The following DCC variants were observed in gnomAD, a reference collection of about 807,000 sequenced individuals.
DCC encodes DCC netrin 1 receptor.
Under a neutral mutation model 172.5 loss-of-function variants are expected in DCC, and 58 were observed. That is an observed-to-expected ratio of 0.34 (90% CI 0.27 to 0.42). The LOEUF is 0.42. DCC is among the 10% of genes least tolerant of loss of function. The pLI, the probability that DCC is intolerant of heterozygous loss-of-function variation, is 1.00. For missense variants in DCC, 1,740 were observed against 1,791.0 expected (o/e 0.97, Z 0.51); for synonymous variants, 709 against 644.5 (o/e 1.10, Z -1.52).
At chr18:52,695,855 T>C (rs2036003731) in intron 1 of DCC, among the ~76,000 whole-genome samples, 1 of 152,148 alleles carries the variant, frequency 6.6e-6, no homozygotes, top group South Asian at 2.1e-4. Context: ...GCCCTCCTTT[T>C]TGTGGCCATG....
intron 1 of DCC, among the ~76,000 whole-genome samples, chr18:52,649,430 CTT>C (rs142775696): frequency 7.4e-5 from 11 of 148,666 alleles, no homozygotes; most frequent in African/African-American, 1.7e-4. Context: ...GAGATTATAT[CTT>C]TTTTTTTATA....
At chr18:53,501,168 A>G (rs1598813253) in intron 27 of DCC, among the ~76,000 whole-genome samples, 1 of 152,200 alleles carries the variant, frequency 6.6e-6, no homozygotes, top group Non-Finnish European at 1.5e-5. Context: ...CGAGCCTTTA[A>G]TGAATCTTTA....
chr18:52,467,506 A>C lies in DCC; in HGVS notation c.91+126628A>C, dbSNP rs112192235. ...TATTTTGAACAGTGCTGCAATAAAC[A>C]TATCTGTGCATGTGTTCTTATAGTA... is the stretch of plus-strand genomic sequence containing the variant. On this transcript the variant is annotated intron_variant, in intron 1 of 28. Coordinates refer to ENST00000442544, the MANE Select transcript of DCC (RefSeq NM_005215.4). Among the ~76,000 whole-genome samples the C allele has an allele frequency of 6.2e-3, 941 of 152,306 alleles. 13 individuals carry two copies. The highest frequency in any genetic ancestry group is 0.022 in the African/African-American group (908 of 41,574).
At chr18:52,625,821 G>A (rs753041026) in intron 1 of DCC, among the ~76,000 whole-genome samples, 5 of 152,144 alleles carry the variant, frequency 3.3e-5, no homozygotes, top group Non-Finnish European at 7.4e-5. Context: ...GCCAATGTCA[G>A]TTCTCAGGTC....
intron 1 of DCC, among the ~76,000 whole-genome samples, chr18:52,642,945 A>G (rs961576): frequency 0.95 from 144,442 of 152,284 alleles, 69,011 homozygotes; most frequent in East Asian, 1. Context: ...GAGACGTTGC[A>G]CCTAGCCCTA....
chr18:53,284,387 T>C (rs1055333862), intron 12 of DCC, among the ~76,000 whole-genome samples: 62 of 152,206 alleles, frequency 4.1e-4, no homozygotes, highest in African/African-American at 1.4e-3. Flanking sequence ...GGGGTGGTCT[T>C]TCCCGTGCTG....
chr18:52,979,448 A>T (rs951508512), intron 5 of DCC, among the ~76,000 whole-genome samples: 2 of 152,204 alleles, frequency 1.3e-5, no homozygotes, highest in Non-Finnish European at 2.9e-5. Context: ...TTCCAGTCAT[A>T]TACATGACAC....
intron 5 of DCC, among the ~76,000 whole-genome samples, chr18:52,952,424 G>A (rs761517526): frequency 6.6e-6 from 1 of 152,162 alleles, no homozygotes; most frequent in Non-Finnish European, 1.5e-5. Context: ...AAGAAAAAAT[G>A]TGTGGAGGGA....
intron 1 of DCC, among the ~76,000 whole-genome samples, chr18:52,500,569 C>T (rs1425395071): frequency 6.6e-6 from 1 of 152,116 alleles, no homozygotes; most frequent in African/African-American, 2.4e-5. Context: ...TCTTTATGCC[C>T]TCTAGATTGG....
At chr18:53,234,953 G>A (rs1046308291) in intron 12 of DCC, among the ~76,000 whole-genome samples, 1 of 152,082 alleles carries the variant, frequency 6.6e-6, no homozygotes, top group Admixed American at 6.5e-5. Context: ...ACAAATATGT[G>A]TCACAAACGG....
chr18:53,066,748 G>A (rs117427430), intron 7 of DCC, among the ~76,000 whole-genome samples: 1 of 152,048 alleles, frequency 6.6e-6, no homozygotes, highest in Non-Finnish European at 1.5e-5. Context: ...CACTGCTATA[G>A]AGAAATATCT....
intron 1 of DCC, among the ~76,000 whole-genome samples, chr18:52,555,710 T>C (rs940506478): frequency 6.6e-6 from 1 of 152,118 alleles, no homozygotes; most frequent in Non-Finnish European, 1.5e-5. Flanking sequence ...AAGAAGACTG[T>C]TTTTTAAAAA....
At chr18:53,512,156 GACCCCCCAGCAGCCTAACTGGGAGGC>G (rs1011618830) in intron 27 of DCC, among the ~76,000 whole-genome samples, 9 of 151,016 alleles carry the variant, frequency 6.0e-5, no homozygotes, top group Non-Finnish European at 1.0e-4. Context: ...CCCTGACCCC[GACCCCCCAGCAGCCTAACTGGGAGGC>G]ACCCCCCAGC....
rs118017989 is a variant in DCC at position 53,365,708 on chromosome 18, A to C, written c.2360-20335A>C. On this transcript the variant is annotated intron_variant, in intron 15 of 28. Coordinates refer to ENST00000442544, the MANE Select transcript of DCC (RefSeq NM_005215.4). ...ATAAGCAAAAATGCAGCACACTAGA[A>C]ATGAGCCTTCTTATTAGAATTATTA... Among the ~76,000 whole-genome samples the C allele has an allele frequency of 1.3e-4, 20 of 152,274 alleles. No individual in the cohort carries two copies. The East Asian group carries it at 3.9e-3, about 29-fold the overall frequency.
chr18:52,938,365 T>A (rs1180712352), intron 5 of DCC, among the ~76,000 whole-genome samples: 1 of 152,148 alleles, frequency 6.6e-6, no homozygotes, highest in South Asian at 2.1e-4. Context: ...TGAGAGAAGA[T>A]GAGTGATGTC....
At chr18:53,368,358 A>G (rs1320198287) in intron 15 of DCC, among the ~76,000 whole-genome samples, 1 of 152,116 alleles carries the variant, frequency 6.6e-6, no homozygotes, top group Non-Finnish European at 1.5e-5. Flanking sequence ...TATATAACTT[A>G]CAAACCCTTT....
intron 1 of DCC, among the ~76,000 whole-genome samples, chr18:52,557,545 A>T (rs1174249045): frequency 6.6e-6 from 1 of 152,260 alleles, no homozygotes; most frequent in Non-Finnish European, 1.5e-5. Context: ...CTATTGATAT[A>T]CTACTTTCAA....
chr18:53,405,287 T>A (rs1036606180), intron 19 of DCC, among the ~76,000 whole-genome samples: 5 of 152,124 alleles, frequency 3.3e-5, no homozygotes, highest in African/African-American at 1.2e-4. Context: ...TATTGTTTTG[T>A]TTTCCTAAAT....
At chr18:52,931,989 C>G (rs1802903333) in intron 5 of DCC, 1 of 151,996 alleles carries the variant, frequency 6.6e-6, no homozygotes. Flanking sequence ...AACAGGGACT[C>G]TGGGAAGATA....
Sources: allele counts gnomAD v4.1 joint callset (sites outside exome capture counted in the v4.1 genomes callset), GRCh38; gene constraint gnomAD v4.1.1; transcripts MANE v1.5; gene names NCBI Gene and HGNC (gene_info 2026-07-23, HGNC 2026-07-21).